FANCA: variants seen among roughly 807,000 people sequenced by gnomAD.
FANCA encodes the protein Fanconi anemia group A protein.
FANCA carries 236 observed loss-of-function variants against 194.3 expected under a neutral mutation model. The ratio of observed to expected loss-of-function variants is 1.21; its 90% CI spans 1.09 to 1.35. FANCA has a LOEUF of 1.35. Among genes scored for constraint, FANCA ranks in the 40% most tolerant of loss-of-function variants. FANCA has a pLI of 0.00. For missense variants in FANCA, 2,628 were observed against 1,813.9 expected (o/e 1.45, Z -8.15); for synonymous variants, 1,014 against 715.8 (o/e 1.42, Z -6.65).
At chr16:89,788,870 A>G (rs1025213431) in intron 14 of FANCA, among the ~76,000 whole-genome samples, 2 of 152,214 alleles carry the variant, frequency 1.3e-5, no homozygotes, top group African/African-American at 2.4e-5. Context: ...TCATTATTTC[A>G]TTTAAACTAT....
At chr16:89,780,033 C>G (rs35910120) in intron 17 of FANCA, 76 bp from the exon 18 acceptor site, 4 of 1,291,606 alleles carry the variant, frequency 3.1e-6, no homozygotes, top group Non-Finnish European at 4.5e-6. Context: ...AGGCCACACT[C>G]AACCTGTGCT....
At chr16:89,804,581 C>G (rs2040568597) in intron 7 of FANCA, among the ~76,000 whole-genome samples, 1 of 152,138 alleles carries the variant, frequency 6.6e-6, no homozygotes, top group African/African-American at 2.4e-5. Context: ...CTGACAAGCC[C>G]AACTACTCCT....
At chr16:89,767,359 G>C (rs1232634007) in intron 26 of FANCA, 122 bp from the exon 27 acceptor site, 2 of 760,760 alleles carry the variant, frequency 2.6e-6, no homozygotes, top group South Asian at 3.0e-5. Context: ...CCTGAGCATT[G>C]GTCCTTCGTT....
intron 20 of FANCA, among the ~76,000 whole-genome samples, chr16:89,776,692 G>A (rs1013086279): frequency 2.0e-5 from 3 of 151,806 alleles, no homozygotes; most frequent in Non-Finnish European, 2.9e-5. Flanking sequence ...TTAGCCGGGC[G>A]TGGTGGCGGG....
chr16:89,766,746 A>C (rs904508973), intron 27 of FANCA, among the ~76,000 whole-genome samples: 1 of 152,190 alleles, frequency 6.6e-6, no homozygotes, highest in African/African-American at 2.4e-5. Context: ...TGTCTGAACA[A>C]TGTAAGGAAC....
In FANCA at chr16:89,767,180, ATC is replaced by A; in HGVS notation, c.2560_2561del (p.Asp854TyrfsTer12). The A allele has an allele frequency of 6.2e-7, 1 of 1,614,028 alleles. No homozygotes were observed. Among genetic ancestry groups the A allele is most frequent in the Non-Finnish European group, 8.5e-7 (1 of 1,179,874 alleles). ...CTGGAGATAAGCAGCTGCACAAAGT[ATC>A]TCGTGACTGGGAAGAAAACTTGCAG... ...SLCKFSSQSR[D>X]TLCSCLSPGL... On this transcript the variant is annotated frameshift_variant, in exon 27 of 43. Coordinates refer to ENST00000389301, the MANE Select transcript of FANCA (RefSeq NM_000135.4). LOFTEE classifies it high-confidence loss of function.
rs969577700 is a variant in FANCA at position 89,792,017 on chromosome 16, G to A, written c.1135C>T (p.Leu379=). The A allele has an allele frequency of 1.2e-6, 2 of 1,614,220 alleles. No homozygotes were observed. Among genetic ancestry groups the A allele is most frequent in the Non-Finnish European group, 1.7e-6 (2 of 1,180,046 alleles). The part of the protein sequence containing the change: ...EELVGHLQEV[L]ETQEVHWQRV... Reference sequence around the variant, plus strand: ...TGCCAGTGAACCTCCTGCGTTTCCAGAACTTCTTGCAAATGGCCAACCAAC... The same window carrying A: ...TGCCAGTGAACCTCCTGCGTTTCCAAAACTTCTTGCAAATGGCCAACCAAC... Residue 379 remains leucine (L), a synonymous_variant, in exon 13 of 43, where the codon CTG becomes TTG. Coordinates refer to ENST00000389301, the MANE Select transcript of FANCA (RefSeq NM_000135.4).
At chr16:89,760,922 C>A (rs2239358) in intron 29 of FANCA, among the ~76,000 whole-genome samples, 1 of 152,108 alleles carries the variant, frequency 6.6e-6, no homozygotes, top group East Asian at 1.9e-4. Context: ...AGCTCCCGGA[C>A]AGCAGCCATA....
In FANCA at chr16:89,765,008, T is replaced by G; in HGVS notation, c.2660A>C (p.Asp887Ala). 3.7e-6 allele frequency: 6 copies of G among 1,614,172 alleles called. No individual in the cohort carries two copies. Among genetic ancestry groups the G allele is most frequent in the Non-Finnish European group, 5.1e-6 (6 of 1,180,032 alleles). Residue 887 changes from aspartate to alanine, a missense_variant, in exon 28 of 43, where the codon GAC (aspartate) becomes GCC (alanine). Asp to Ala is a moderately radical substitution (Grantham distance 126). Coordinates refer to ENST00000389301, the MANE Select transcript of FANCA (RefSeq NM_000135.4). ...SEARQPLSEE[D>A]VASLSWRPLH... ...GGGTCTCCAGGAAAGGCTGGCTACG[T>G]CCTCCTCAGAAAGAGGCTGTCGGGC...
chr16:89,775,887 C>G (rs1375332371), intron 20 of FANCA, 72 bp from the exon 21 acceptor site: 1 of 928,334 alleles, frequency 1.1e-6, no homozygotes. Flanking sequence ...ATCCCCAAAT[C>G]TATTATAAAA....
In FANCA at chr16:89,739,271, A is replaced by C. The variant is rs745577614; in HGVS notation, c.4029T>G (p.His1343Gln). The C allele has an allele frequency of 6.2e-7, 1 of 1,614,166 alleles. No homozygotes were observed. Among genetic ancestry groups the C allele is most frequent in the Non-Finnish European group, 8.5e-7 (1 of 1,180,028 alleles). ...FAFYSLLSYF[H>Q]EDAAIREEAF... is the part of the protein sequence containing the mutation. ...CCTCTTCCCTGATGGCCGCGTCTTC[A>C]TGGAAGTAGGAGAGAAGACTAGAGG... The change falls in exon 41 of 43, where the codon CAT (histidine) becomes CAG (glutamine). Residue 1343 changes from histidine to glutamine, a missense_variant. Physicochemically the swap from His to Gln is conservative, Grantham distance 24. Coordinates refer to ENST00000389301, the MANE Select transcript of FANCA (RefSeq NM_000135.4).
At chr16:89,753,315 C>G (rs1330692181) in intron 30 of FANCA, among the ~76,000 whole-genome samples, 1 of 152,180 alleles carries the variant, frequency 6.6e-6, no homozygotes, top group Non-Finnish European at 1.5e-5. Flanking sequence ...CTCGGGGCCA[C>G]TACCGGTCTC....
rs377662297 is a variant in FANCA, at chr16:89,754,527, T to C, written c.2982-2305A>G. Among the ~76,000 whole-genome samples, 5 of 152,110 alleles carry C rather than the reference T, an allele frequency of 3.3e-5. No homozygotes were observed. The East Asian group carries it at 7.8e-4, about 24-fold the overall frequency. On this transcript the variant is annotated intron_variant, in intron 30 of 42. Transcript: ENST00000389301. Reference sequence around the variant, plus strand: ...AACGGATTACAGGAGCCCACCACGATGCCCGGCTAATTTTTGTATTTTTAG... The same window carrying C: ...AACGGATTACAGGAGCCCACCACGACGCCCGGCTAATTTTTGTATTTTTAG...
intron 10 of FANCA, among the ~76,000 whole-genome samples, chr16:89,797,895 C>A (rs967468318): frequency 4.1e-5 from 6 of 144,882 alleles, no homozygotes; most frequent in African/African-American, 1.5e-4. Context: ...AACTCTGTCT[C>A]AAAAATAAAT....
At chr16:89,759,820 A>G (rs1185949513) in intron 29 of FANCA, among the ~76,000 whole-genome samples, 1 of 152,234 alleles carries the variant, frequency 6.6e-6, no homozygotes, top group East Asian at 1.9e-4. Flanking sequence ...ATTTATGCAG[A>G]AAGAGCCACA....
chr16:89,781,242 T>C (rs536491148), intron 17 of FANCA, among the ~76,000 whole-genome samples: 18 of 149,784 alleles, frequency 1.2e-4, no homozygotes, highest in Admixed American at 6.7e-4. Context: ...CGGGTGCCTG[T>C]AGTCCCAGCT....
At chr16:89,742,758 G>C (rs750764468) in intron 37 of FANCA, 42 bp downstream of exon 37, 2 of 1,595,920 alleles carry the variant, frequency 1.3e-6, no homozygotes, top group Non-Finnish European at 1.7e-6. Context: ...TTGAAACCAA[G>C]CTTGCGAGAA....
At chr16:89,752,263 A>AAT (rs1280263656) in intron 30 of FANCA, 41 bp from the exon 31 acceptor site, 1 of 1,532,784 alleles carries the variant, frequency 6.5e-7, no homozygotes, top group Non-Finnish European at 9.0e-7. Flanking sequence ...AGTATCGCCT[A>AAT]ATAGTGCTGA....
chr16:89,779,826 A>C (rs1197922280), intron 18 of FANCA, 43 bp downstream of exon 18: 1 of 1,552,070 alleles, frequency 6.4e-7, no homozygotes, highest in African/African-American at 1.4e-5. Context: ...CGCGGTCTGC[A>C]CACACTGCAG....
Sources: gnomAD v4.1 joint callset for allele counts (sites outside exome capture counted in the v4.1 genomes callset) on GRCh38, gnomAD v4.1.1 for gene constraint, MANE v1.5 for transcripts, NCBI Gene and HGNC (gene_info 2026-07-23, HGNC 2026-07-21) for gene names.